FUT8: variants seen among roughly 807,000 people sequenced by gnomAD.
FUT8 encodes alpha-(1,6)-fucosyltransferase.
A neutral mutation model predicts 71.3 loss-of-function variants in FUT8; 29 were observed. The observed-to-expected ratio is 0.41, with a 90% CI of 0.30 to 0.55. The LOEUF (loss-of-function observed/expected upper bound fraction) is 0.55, where lower values mean the gene tolerates loss of function less well. Among genes scored for constraint, FUT8 ranks in the 20% least tolerant of loss-of-function variants. FUT8 has a pLI of 0.34. For synonymous variants in FUT8, 254 were observed against 239.3 expected (o/e 1.06, Z -0.57); for missense variants, 544 against 702.1 (o/e 0.77, Z 2.55).
chr14:65,550,762 G>T lies in FUT8; in HGVS notation c.-227-10575G>T, dbSNP rs1681486042. 6.6e-6 allele frequency among the ~76,000 whole-genome samples: 1 copy of T among 152,046 alleles called. No individual in the cohort carries two copies. The highest frequency in any genetic ancestry group is 1.5e-5 in the Non-Finnish European group (1 of 68,008). ...TTCTGTTTTCTGGATCTGTTTAAAT[G>T]GACTAATTTTCTCCTGGTTATGGGT... On this transcript the variant is annotated intron_variant, in intron 2 of 10. Transcript: ENST00000673929. The surrounding 1 kb of genome is among the most constrained non-coding windows in gnomAD (Gnocchi z 4.5).
intron 2 of FUT8, among the ~76,000 whole-genome samples, chr14:65,531,565 T>C (rs1265262800): frequency 6.6e-6 from 1 of 152,200 alleles, no homozygotes; most frequent in Non-Finnish European, 1.5e-5. Context: ...AAACTACAAA[T>C]GCATTAATTC....
At chr14:65,539,104 G>A (rs1031194535) in intron 2 of FUT8, among the ~76,000 whole-genome samples, 5 of 152,114 alleles carry the variant, frequency 3.3e-5, no homozygotes, top group African/African-American at 4.8e-5. Flanking sequence ...AACTCACATC[G>A]ATACATGGTA....
chr14:65,559,669 G>T (rs375428989), intron 2 of FUT8, among the ~76,000 whole-genome samples: 9 of 152,112 alleles, frequency 5.9e-5, no homozygotes, highest in African/African-American at 1.9e-4. Flanking sequence ...CTGACGTACC[G>T]AATTGAATCA....
chr14:65,492,547 G>A (rs1400709555), intron 2 of FUT8, among the ~76,000 whole-genome samples: 1 of 152,062 alleles, frequency 6.6e-6, no homozygotes, highest in African/African-American at 2.4e-5. Context: ...CTTCCACCAT[G>A]TGGCTGTGCT....
the FUT8 span, among the ~76,000 whole-genome samples, chr14:65,385,014 C>G: frequency 6.6e-6 from 1 of 151,978 alleles, no homozygotes; most frequent in East Asian, 1.9e-4. Flanking sequence ...GCCTCAACCT[C>G]CCGAGTAGCT....
the FUT8 span, among the ~76,000 whole-genome samples, chr14:65,363,938 AG>A: frequency 6.6e-6 from 1 of 152,220 alleles, no homozygotes. Context: ...AGAACTCAGA[AG>A]GGTAGAGAAA....
At chr14:65,624,028 C>T (rs866426463) in intron 5 of FUT8, among the ~76,000 whole-genome samples, 5 of 152,160 alleles carry the variant, frequency 3.3e-5, no homozygotes, top group Admixed American at 1.3e-4. Flanking sequence ...GGTTCCCTTG[C>T]TGATTTGATT....
intron 2 of FUT8, among the ~76,000 whole-genome samples, chr14:65,485,901 CTG>C (rs2066402972): frequency 6.6e-6 from 1 of 152,198 alleles, no homozygotes; most frequent in Non-Finnish European, 1.5e-5. Flanking sequence ...TGCTTGTTTC[CTG>C]TCTCTCTAGA....
chr14:65,455,851 T>C (rs1383986752), intron 2 of FUT8, 133 bp downstream of exon 2: 2 of 391,930 alleles, frequency 5.1e-6, no homozygotes, highest in African/African-American at 4.1e-5. Context: ...CTAAACTCTG[T>C]TGAATTGTGT....
At chr14:65,391,306 T>C in the FUT8 span, among the ~76,000 whole-genome samples, 1 of 152,180 alleles carries the variant, frequency 6.6e-6, no homozygotes, top group Non-Finnish European at 1.5e-5. Flanking sequence ...CTACAGATGA[T>C]GTAGCTGTTT....
chr14:65,370,354 C>T, the FUT8 span, among the ~76,000 whole-genome samples: 2 of 151,636 alleles, frequency 1.3e-5, no homozygotes, highest in Non-Finnish European at 2.9e-5. Context: ...ACTACAGGTG[C>T]CTGCCACCAG....
the FUT8 span, among the ~76,000 whole-genome samples, chr14:65,360,496 A>G: frequency 6.6e-6 from 1 of 152,260 alleles, no homozygotes; most frequent in African/African-American, 2.4e-5. Context: ...ACTTCAGAGG[A>G]CTGGCCTATT....
chr14:65,543,243 C>T (rs1884786389), intron 2 of FUT8, among the ~76,000 whole-genome samples: 1 of 152,146 alleles, frequency 6.6e-6, no homozygotes, highest in African/African-American at 2.4e-5. Context: ...ACATTTTATG[C>T]ACGTAAATAT....
chr14:65,591,140 A>G (rs1483008532), intron 3 of FUT8, among the ~76,000 whole-genome samples: 2 of 152,180 alleles, frequency 1.3e-5, no homozygotes, highest in East Asian at 3.8e-4. Context: ...CTTCACACAA[A>G]GAATAGTGTG....
At chr14:65,512,144 G>T (rs1882386428) in intron 2 of FUT8, among the ~76,000 whole-genome samples, 1 of 152,196 alleles carries the variant, frequency 6.6e-6, no homozygotes, top group Admixed American at 6.5e-5. Context: ...CGTAGAAAAG[G>T]TACAGTAAAA....
At chr14:65,513,638 CAAAATCA>C (rs537473091) in intron 2 of FUT8, among the ~76,000 whole-genome samples, 2,267 of 98,864 alleles carry the variant, frequency 0.023, 18 homozygotes, top group South Asian at 0.047. Flanking sequence ...AATATAAAAA[CAAAATCA>C]AAAACAAAAC....
At position 65,660,813 on chromosome 14, in the gene FUT8, T is replaced by A. The variant is rs1370132754; in HGVS notation, c.598-8430T>A. Among the ~76,000 whole-genome samples, 2 of 152,216 alleles carry A rather than the reference T, an allele frequency of 1.3e-5. No individual in the cohort carries two copies. The highest frequency in any genetic ancestry group is 1.3e-4 in the Admixed American group (2 of 15,284). On this transcript the variant is annotated intron_variant, in intron 6 of 10. Transcript: ENST00000673929. This position sits in a 1 kb window ranked among gnomAD's most constrained non-coding sequence, Gnocchi z 4.1. ...TTATTAACTGAGTCTTCATTTTAAT[T>A]ACCACAATGGAGTACTTCAGTTCTC...
chr14:65,510,712 A>G (rs926347075), intron 2 of FUT8, among the ~76,000 whole-genome samples: 3 of 152,066 alleles, frequency 2.0e-5, no homozygotes, highest in Non-Finnish European at 4.4e-5. Context: ...ATTTATTGGC[A>G]TATATTTGCT....
chr14:65,638,407 T>C lies in FUT8; in HGVS notation c.597+8801T>C, dbSNP rs1037505019. Among the ~76,000 whole-genome samples, 7 of 143,796 alleles carry C rather than the reference T, an allele frequency of 4.9e-5. No homozygotes were observed. Among genetic ancestry groups the C allele is most frequent in the Admixed American group, 4.8e-4 (7 of 14,614 alleles). The allele number at this position is 143,796 out of a possible 152,430, so 94.3% of individuals were successfully genotyped here. On this transcript the variant is annotated intron_variant, in intron 6 of 10. Transcript: ENST00000673929. This position sits in a 1 kb window ranked among gnomAD's most constrained non-coding sequence, Gnocchi z 4.5. ...CTTTGGTTTATGTTTTGAATAGGAC[T>C]TTTACTGGAAATTGGTAGATTATTT...
Sources: allele counts gnomAD v4.1 joint callset (sites outside exome capture counted in the v4.1 genomes callset), GRCh38; gene constraint gnomAD v4.1.1; non-coding constraint Gnocchi (gnomAD v3.1); transcripts MANE v1.5; gene names NCBI Gene and HGNC (gene_info 2026-07-23, HGNC 2026-07-21).